Variants in AKAP10 observed in about 807,000 individuals in gnomAD.
The protein encoded by AKAP10 is A-kinase anchoring protein 10, also known as A-kinase anchor protein 10, mitochondrial.
In AKAP10, 24 loss-of-function variants were observed where a neutral mutation model predicts 80.8. That is an observed-to-expected ratio of 0.30 (90% CI 0.22 to 0.42). The LOEUF (loss-of-function observed/expected upper bound fraction) is 0.42. Ranked by LOEUF, AKAP10 falls within the 10% of genes least tolerant of loss-of-function variation. The probability of loss-of-function intolerance (pLI) is 1.00; values close to 1 mark genes in which losing one functional copy is unlikely to be tolerated. For synonymous variants in AKAP10, 291 were observed against 277.7 expected (o/e 1.05, Z -0.48); for missense variants, 661 against 794.9 (o/e 0.83, Z 2.03).
In AKAP10 at chr17:19,940,951, G is replaced by A; in HGVS notation, c.1121C>T (p.Thr374Ile). 1 of 1,612,166 alleles carries A rather than the reference G, an allele frequency of 6.2e-7. No individual in the cohort carries two copies. The change falls in exon 7 of 15, where the codon ACC becomes ATC. Residue 374 changes from threonine (T) to isoleucine (I), a missense_variant. Physicochemically the swap from Thr to Ile is moderately conservative, Grantham distance 89. Transcript: ENST00000225737. Reference protein sequence around the residue: ...HFCKYQIEVLTSGTVYLADIL... With the variant: ...HFCKYQIEVLISGTVYLADIL... ...GTCAGCCAGGTAAACAGTTCCACTG[G>A]TCAGCACTTCAATCTGGTATTTACA...
chr17:19,969,519 T>C (rs1220056641), intron 1 of AKAP10, among the ~76,000 whole-genome samples: 1 of 151,906 alleles, frequency 6.6e-6, no homozygotes, highest in Non-Finnish European at 1.5e-5. Context: ...CATAAGACTA[T>C]TTTTAACCCT....
At chr17:19,959,042 T>G (rs2043317801) in intron 3 of AKAP10, among the ~76,000 whole-genome samples, 1 of 151,896 alleles carries the variant, frequency 6.6e-6, no homozygotes, top group Non-Finnish European at 1.5e-5. Flanking sequence ...TAGTAGAGAT[T>G]CGGTTTCACC....
At position 19,967,243 on chromosome 17, in the gene AKAP10, C is replaced by T. The variant is rs117624087; in HGVS notation, c.136+1171G>A. Among the ~76,000 whole-genome samples, 404 of 152,296 alleles carry T rather than the reference C, an allele frequency of 2.7e-3. 14 individuals carry two copies. In the East Asian group the frequency reaches 0.074, roughly 28 times the overall value. Reference sequence around the variant, plus strand: ...GGACAAATAAAATCAGTGAGTAATACAGCATCTTTAAAAAGCATGCTCTAA... The same window carrying T: ...GGACAAATAAAATCAGTGAGTAATATAGCATCTTTAAAAAGCATGCTCTAA... On this transcript the variant is annotated intron_variant, in intron 2 of 14. Transcript: ENST00000225737.
At position 19,958,508 on chromosome 17, in the gene AKAP10, T is replaced by C; in HGVS notation, c.383A>G (p.Gln128Arg). 1 of 1,612,068 alleles carries C rather than the reference T, an allele frequency of 6.2e-7. No homozygotes were observed. Reference sequence around the variant, plus strand: ...GAGGACAATAGTGTCGTGCAAGACTTGTTCAAGGGTCTTAGAAAGGCTTGA... The same window carrying C: ...GAGGACAATAGTGTCGTGCAAGACTCGTTCAAGGGTCTTAGAAAGGCTTGA... ...TKSSLSKTLE[Q>R]VLHDTIVLPY... is the part of the protein sequence containing the mutation. Residue 128 changes from glutamine (Q) to arginine (R), a missense_variant, in exon 4 of 15, where the codon CAA becomes CGA. By Grantham distance (43) the Gln-to-Arg change is conservative. Coordinates refer to ENST00000225737, the MANE Select transcript of AKAP10 (RefSeq NM_007202.4).
intron 4 of AKAP10, among the ~76,000 whole-genome samples, chr17:19,948,659 G>T (rs527997281): frequency 3.3e-5 from 5 of 152,144 alleles, no homozygotes; most frequent in African/African-American, 4.8e-5. Context: ...GGGATAAAGG[G>T]AGGTTCTTAG....
chr17:19,964,970 G>A (rs1048215228), intron 2 of AKAP10, among the ~76,000 whole-genome samples: 3 of 152,188 alleles, frequency 2.0e-5, no homozygotes, highest in African/African-American at 4.8e-5. Context: ...CCCTCCACAT[G>A]GACTGTTTGC....
chr17:19,912,339 C>G (rs2042699968), intron 12 of AKAP10, among the ~76,000 whole-genome samples: 1 of 152,182 alleles, frequency 6.6e-6, no homozygotes, highest in Non-Finnish European at 1.5e-5. Flanking sequence ...GAGTTCGAGA[C>G]CAGCCTGGTC....
chr17:19,940,406 G>T (rs1231563957), intron 7 of AKAP10, among the ~76,000 whole-genome samples: 1 of 152,152 alleles, frequency 6.6e-6, no homozygotes, highest in African/African-American at 2.4e-5. Context: ...ACTTGTTGAA[G>T]CCTAACAAAG....
rs2042622010 is a variant in AKAP10 at position 19,905,349 on chromosome 17, A to T, written c.*878T>A. 7.0e-6 allele frequency: 1 copy of T among 143,070 alleles called. No homozygotes were observed. The highest frequency in any genetic ancestry group is 2.7e-5 in the African/African-American group (1 of 37,052). The allele number at this position is 143,070 out of a possible 1,614,324, so 8.9% of individuals were successfully genotyped here. A position where few individuals can be genotyped will look rare whatever the true frequency, so the allele number is the denominator to read the frequency against. On this transcript the variant is annotated 3_prime_UTR_variant, in exon 15 of 15. Transcript: ENST00000225737. ...CCAGTCATCCTGCTCACCTTATTTA[A>T]AAAAAAAAAAAGTATAATTTGGGAA...
intron 12 of AKAP10, among the ~76,000 whole-genome samples, chr17:19,916,140 G>A (rs1401027493): frequency 2.0e-5 from 3 of 152,118 alleles, no homozygotes; most frequent in African/African-American, 2.4e-5. Context: ...CTGGGCTTAC[G>A]CCCCCGCTGC....
At chr17:19,937,851 A>C (rs2043008651) in intron 8 of AKAP10, among the ~76,000 whole-genome samples, 1 of 152,170 alleles carries the variant, frequency 6.6e-6, no homozygotes, top group South Asian at 2.1e-4. Context: ...AAATAGGAAA[A>C]TTAGACTACA....
In AKAP10 at chr17:19,931,742, T is replaced by C. The variant is rs577731111; in HGVS notation, c.1641+63A>G. ...ATTTACAAATAATAGGATCTGTTAC[T>C]GGGATGTGAAGGAAAGGATGTGTAT... is the stretch of plus-strand genomic sequence containing the variant. On this transcript the variant is annotated intron_variant, in intron 10 of 14. Transcript: ENST00000225737. The C allele has an allele frequency of 8.6e-4, 1,303 of 1,507,574 alleles. 1 individual carries two copies. Among genetic ancestry groups the C allele is most frequent in the Non-Finnish European group, 1.1e-3 (1,220 of 1,112,288 alleles). 93.4% of individuals were successfully genotyped at this position (1,507,574 alleles called of 1,614,324 possible). A position where few individuals can be genotyped will look rare whatever the true frequency, so the allele number is the denominator to read the frequency against.
At chr17:19,928,865 A>G (rs1383504444) in intron 10 of AKAP10, among the ~76,000 whole-genome samples, 2 of 152,188 alleles carry the variant, frequency 1.3e-5, no homozygotes, top group Non-Finnish European at 2.9e-5. Flanking sequence ...GCAAGACTCC[A>G]CCTCAAATTT....
At chr17:19,977,531 A>T (rs113282536) in intron 1 of AKAP10, 61 bp downstream of exon 1, 20 of 1,197,560 alleles carry the variant, frequency 1.7e-5, no homozygotes, top group Non-Finnish European at 2.0e-5. Context: ...TCGCAGGCCC[A>T]CCTGCCCCAC....
intron 11 of AKAP10, 89 bp downstream of exon 11, chr17:19,924,319 T>C (rs2042850823): frequency 1.1e-6 from 1 of 926,860 alleles, no homozygotes; most frequent in Non-Finnish European, 1.6e-6. Flanking sequence ...TAATAATAGA[T>C]TAGAAAAAAA....
At chr17:19,924,631 C>T (rs901571026) in intron 10 of AKAP10, 114 bp from the exon 11 acceptor site, 1 of 542,652 alleles carries the variant, frequency 1.8e-6, no homozygotes, top group Non-Finnish European at 3.2e-6. Flanking sequence ...AACTTTCACT[C>T]AACCTCATCA....
chr17:19,977,667 C>A lies in AKAP10; in HGVS notation c.13G>T (p.Gly5Trp). ...CGGGGGGACTGGCGCGGGGAGGGCCCGGCTCCCCTCATTCAGCAACCGGCC... is the reference window on the plus strand; with the variant it reads ...CGGGGGGACTGGCGCGGGGAGGGCCAGGCTCCCCTCATTCAGCAACCGGCC... MRGA[G>W]PSPRQSPRTL... Residue 5 changes from glycine (G) to tryptophan (W), a missense_variant, in exon 1 of 15, where the codon GGG becomes TGG. Physicochemically the swap from Gly to Trp is radical, Grantham distance 184. Coordinates refer to ENST00000225737, the MANE Select transcript of AKAP10 (RefSeq NM_007202.4). The A allele has an allele frequency of 8.1e-7, 1 of 1,235,074 alleles. No individual in the cohort carries two copies. The highest frequency in any genetic ancestry group is 4.1e-5 in the South Asian group (1 of 24,360). 76.5% of individuals were successfully genotyped at this position (1,235,074 alleles called of 1,614,324 possible).
chr17:19,966,001 CA>C (rs2043413548), intron 2 of AKAP10, among the ~76,000 whole-genome samples: 2 of 152,074 alleles, frequency 1.3e-5, no homozygotes, highest in South Asian at 4.1e-4. Flanking sequence ...GCCATTTCAA[CA>C]GGCAGGATTT....
At chr17:19,968,546 C>T (rs1323338607) in intron 1 of AKAP10, 85 bp from the exon 2 acceptor site, 1 of 1,115,978 alleles carries the variant, frequency 9.0e-7, no homozygotes, top group Non-Finnish European at 1.3e-6. Flanking sequence ...CAGCTTTATT[C>T]TAAGATGAGT....
Sources: gnomAD v4.1 joint callset for allele counts (sites outside exome capture counted in the v4.1 genomes callset) on GRCh38, gnomAD v4.1.1 for gene constraint, MANE v1.5 for transcripts, NCBI Gene and HGNC (gene_info 2026-07-23, HGNC 2026-07-21) for gene names.